Variants in ST8SIA6 observed in about 807,000 individuals in gnomAD.
The protein encoded by ST8SIA6 is ST8 alpha-N-acetyl-neuraminide alpha-2,8-sialyltransferase 6, also known as alpha-2,8-sialyltransferase 8F.
A neutral mutation model predicts 33.6 loss-of-function variants in ST8SIA6; 39 were observed. The ratio of observed to expected loss-of-function variants is 1.16; its 90% CI spans 0.90 to 1.52. The LOEUF (loss-of-function observed/expected upper bound fraction) is 1.52. ST8SIA6 is among the 40% of genes most tolerant of loss of function. The pLI is 0.00. For synonymous variants in ST8SIA6, 172 were observed against 167.2 expected, an observed-to-expected ratio of 1.03 and a Z score of -0.22; for missense variants, 441 against 443.8, an observed-to-expected ratio of 0.99 and a Z score of 0.06.
intron 4 of ST8SIA6, among the ~76,000 whole-genome samples, chr10:17,354,135 G>A (rs1018893368): frequency 8.5e-5 from 13 of 152,136 alleles, no homozygotes; most frequent in Non-Finnish European, 1.8e-4. Context: ...GATAAAACCT[G>A]CTTACCAGAA....
At chr10:17,446,070 A>G (rs975909949) in intron 2 of ST8SIA6, among the ~76,000 whole-genome samples, 7 of 152,120 alleles carry the variant, frequency 4.6e-5, no homozygotes, top group Non-Finnish European at 1.0e-4. Context: ...AAACATTCAG[A>G]GATTTGTTTA....
chr10:17,386,529 T>C (rs1564436591), intron 3 of ST8SIA6, among the ~76,000 whole-genome samples: 1 of 152,260 alleles, frequency 6.6e-6, no homozygotes, highest in East Asian at 1.9e-4. Context: ...ACGGTGAGAC[T>C]GTCTCCAAGA....
chr10:17,337,791 C>T (rs1848553374), intron 4 of ST8SIA6, among the ~76,000 whole-genome samples: 1 of 152,134 alleles, frequency 6.6e-6, no homozygotes, highest in South Asian at 2.1e-4. Context: ...GGCCATTGCT[C>T]CCTTCTTGGG....
intron 6 of ST8SIA6, among the ~76,000 whole-genome samples, chr10:17,326,476 A>G (rs999857411): frequency 3.3e-5 from 5 of 152,212 alleles, no homozygotes; most frequent in Non-Finnish European, 5.9e-5. Flanking sequence ...AAACATTTTA[A>G]AAGACCAGAA....
At chr10:17,330,052 A>C (rs1848247046) in intron 5 of ST8SIA6, among the ~76,000 whole-genome samples, 2 of 152,172 alleles carry the variant, frequency 1.3e-5, no homozygotes, top group South Asian at 4.1e-4. Flanking sequence ...AGCCCCGTCT[A>C]TGAAAGGAGA....
chr10:17,343,885 T>C (rs1329722006), intron 4 of ST8SIA6, among the ~76,000 whole-genome samples: 2 of 152,156 alleles, frequency 1.3e-5, no homozygotes, highest in Non-Finnish European at 2.9e-5. Flanking sequence ...TAATAATAAA[T>C]ACATGCATGG....
intron 2 of ST8SIA6, among the ~76,000 whole-genome samples, chr10:17,431,319 G>T (rs528846828): frequency 2.0e-5 from 3 of 152,200 alleles, no homozygotes; most frequent in Non-Finnish European, 4.4e-5. Flanking sequence ...AACCACATTT[G>T]TAACATTTAT....
intron 3 of ST8SIA6, among the ~76,000 whole-genome samples, chr10:17,374,985 G>A (rs917810614): frequency 6.6e-6 from 1 of 151,668 alleles, no homozygotes; most frequent in Non-Finnish European, 1.5e-5. Flanking sequence ...CACCCAGGCT[G>A]GAGTGCAGGG....
At chr10:17,437,959 G>C (rs1852343138) in intron 2 of ST8SIA6, among the ~76,000 whole-genome samples, 1 of 151,830 alleles carries the variant, frequency 6.6e-6, no homozygotes, top group Non-Finnish European at 1.5e-5. Context: ...TCGAACTCCT[G>C]ACTTCGTGAT....
At chr10:17,322,785 G>A (rs1302664714) in intron 7 of ST8SIA6, among the ~76,000 whole-genome samples, 1 of 152,024 alleles carries the variant, frequency 6.6e-6, no homozygotes, top group East Asian at 1.9e-4. Flanking sequence ...AAAGAAAATG[G>A]AAAAAAGTGG....
chr10:17,450,335 C>G (rs1216943415), intron 2 of ST8SIA6, among the ~76,000 whole-genome samples: 1 of 152,144 alleles, frequency 6.6e-6, no homozygotes, highest in Admixed American at 6.6e-5. Context: ...GGAAAAGGAT[C>G]AACATCACCC....
intron 2 of ST8SIA6, among the ~76,000 whole-genome samples, chr10:17,442,573 G>A (rs183429891): frequency 5.3e-4 from 80 of 152,246 alleles, no homozygotes; most frequent in Admixed American, 3.3e-3. Flanking sequence ...CTACAGAAGC[G>A]AGTGCTAGCA....
At chr10:17,421,667 A>G (rs746546704) in intron 2 of ST8SIA6, among the ~76,000 whole-genome samples, 1 of 151,956 alleles carries the variant, frequency 6.6e-6, no homozygotes, top group Non-Finnish European at 1.5e-5. Flanking sequence ...GGATCAAGGG[A>G]TCCTCCTGCC....
chr10:17,415,803 CTTTTTTTTTTT>C lies in ST8SIA6; in HGVS notation c.201-25194_201-25184del, dbSNP rs968920842. Reference sequence around the variant, plus strand: ...CAAATTCAATGGACGCCTCACTTGTCTTTTTTTTTTTTTTTTTTTTTTTTGAGACAGAATCC... The same window carrying C: ...CAAATTCAATGGACGCCTCACTTGTCTTTTTTTTTTTTTGAGACAGAATCC... On this transcript the variant is annotated intron_variant, in intron 2 of 7. Transcript: ENST00000377602. 1.2e-4 allele frequency among the ~76,000 whole-genome samples: 11 copies of C among 92,208 alleles called. No individual in the cohort carries two copies. In the East Asian group the frequency reaches 1.9e-3, roughly 16 times the overall value. 60.5% of individuals were successfully genotyped at this position (92,208 alleles called of 152,430 possible).
intron 3 of ST8SIA6, among the ~76,000 whole-genome samples, chr10:17,377,780 T>A (rs1465382513): frequency 2.0e-5 from 3 of 152,194 alleles, no homozygotes; most frequent in Non-Finnish European, 4.4e-5. Flanking sequence ...AAATTCTAAG[T>A]CTTTAACAGA....
intron 6 of ST8SIA6, among the ~76,000 whole-genome samples, chr10:17,324,902 GTA>G (rs1000404550): frequency 2.1e-5 from 3 of 143,350 alleles, no homozygotes; most frequent in East Asian, 2.0e-4. Flanking sequence ...TATATAACAT[GTA>G]TATATAATAT....
intron 4 of ST8SIA6, among the ~76,000 whole-genome samples, chr10:17,333,703 A>C (rs868810368): frequency 7.4e-4 from 18 of 24,376 alleles, no homozygotes; most frequent in Non-Finnish European, 1.1e-3. Flanking sequence ...ATATATATAT[A>C]TATATATATA....
chr10:17,382,919 C>T (rs968761175), intron 3 of ST8SIA6, among the ~76,000 whole-genome samples: 8 of 152,162 alleles, frequency 5.3e-5, no homozygotes, highest in African/African-American at 1.9e-4. Flanking sequence ...GTCAGATTAA[C>T]AAGATTTTCT....
intron 2 of ST8SIA6, among the ~76,000 whole-genome samples, chr10:17,420,526 A>G (rs754235153): frequency 6.6e-6 from 1 of 152,226 alleles, no homozygotes; most frequent in African/African-American, 2.4e-5. Context: ...AAACTCTATA[A>G]GGGTCATCTA....
Sources: gnomAD v4.1 joint callset for allele counts (sites outside exome capture counted in the v4.1 genomes callset) on GRCh38, gnomAD v4.1.1 for gene constraint, MANE v1.5 for transcripts, NCBI Gene and HGNC (gene_info 2026-07-23, HGNC 2026-07-21) for gene names.